Variants in SCN3B observed in about 807,000 individuals in gnomAD.
SCN3B encodes the protein sodium channel regulatory subunit beta-3.
A neutral mutation model predicts 25.4 loss-of-function variants in SCN3B; 11 were observed. The ratio of observed to expected loss-of-function variants is 0.43; its 90% CI spans 0.27 to 0.72. SCN3B has a LOEUF of 0.72. SCN3B is among the 30% of genes least tolerant of loss of function. SCN3B has a pLI of 0.18. For synonymous variants in SCN3B, 109 were observed against 110.7 expected (o/e 0.99, Z 0.09); for missense variants, 218 against 278.3 (o/e 0.78, Z 1.54).
chr11:123,644,566 G>A (rs2137244572), intron 3 of SCN3B, among the ~76,000 whole-genome samples: 1 of 152,240 alleles, frequency 6.6e-6, no homozygotes, highest in East Asian at 1.9e-4. Context: ...GAGGTCAGGA[G>A]TTTGAGACCA....
intron 5 of SCN3B, among the ~76,000 whole-genome samples, chr11:123,636,174 T>C (rs1469297071): frequency 2.0e-5 from 3 of 152,246 alleles, no homozygotes; most frequent in Non-Finnish European, 4.4e-5. Flanking sequence ...CTTCTTGCTA[T>C]TGTAACTTTA....
chr11:123,653,334 T>G (rs1204406697), intron 2 of SCN3B, among the ~76,000 whole-genome samples: 1 of 151,826 alleles, frequency 6.6e-6, no homozygotes, highest in Non-Finnish European at 1.5e-5. Flanking sequence ...GGTTTTTTTT[T>G]TTTTTTAATA....
intron 2 of SCN3B, among the ~76,000 whole-genome samples, chr11:123,649,348 C>A (rs534343335): frequency 1.3e-5 from 2 of 152,240 alleles, no homozygotes; most frequent in East Asian, 3.9e-4. Context: ...TCTTGGTTGC[C>A]CCTAAGGCAA....
chr11:123,635,282 T>C (rs1030510219), intron 5 of SCN3B, among the ~76,000 whole-genome samples: 1 of 152,236 alleles, frequency 6.6e-6, no homozygotes, highest in African/African-American at 2.4e-5. Flanking sequence ...CTCTCTCACA[T>C]ATCAGGTTTT....
intron 3 of SCN3B, 82 bp downstream of exon 3, chr11:123,645,505 G>T: frequency 7.2e-7 from 1 of 1,390,850 alleles, no homozygotes; most frequent in Non-Finnish European, 1.0e-6. Flanking sequence ...TTGCTAGCTT[G>T]GCATCCCCCG....
intron 2 of SCN3B, among the ~76,000 whole-genome samples, chr11:123,652,926 C>A (rs957614581): frequency 6.6e-6 from 1 of 152,186 alleles, no homozygotes; most frequent in Non-Finnish European, 1.5e-5. Flanking sequence ...TCACATAGAT[C>A]AATCCCCTTT....
chr11:123,638,667 T>C, intron 4 of SCN3B: 1 of 365,938 alleles, frequency 2.7e-6, no homozygotes, highest in Admixed American at 4.0e-5. Flanking sequence ...TTTCTTAATT[T>C]GTAGGTTGAG....
intron 2 of SCN3B, among the ~76,000 whole-genome samples, chr11:123,646,102 C>T (rs1212161403): frequency 2.0e-5 from 3 of 152,110 alleles, no homozygotes; most frequent in East Asian, 3.9e-4. Flanking sequence ...ACCATCCATC[C>T]CCCTTCATTC....
intron 3 of SCN3B, among the ~76,000 whole-genome samples, chr11:123,643,703 T>G (rs1955815813): frequency 6.6e-6 from 1 of 152,270 alleles, no homozygotes; most frequent in Admixed American, 6.5e-5. Context: ...CTTCTTCTGA[T>G]CCACCTTTTC....
Position 123,649,675 on chromosome 11 carries a change from TC to T in SCN3B, c.56-3926del, listed in dbSNP as rs1480420501. Among the ~76,000 whole-genome samples the T allele has an allele frequency of 2.3e-3, 334 of 144,254 alleles. 4 individuals carry two copies. Among genetic ancestry groups the T allele is most frequent in the South Asian group, 0.016 (74 of 4,642 alleles). 94.6% of individuals were successfully genotyped at this position (144,254 alleles called of 152,430 possible). A position where few individuals can be genotyped will look rare whatever the true frequency, so the allele number is the denominator to read the frequency against. ...CTTTCTCTTTCTTTCTTTCTTTTTTTCCTCTCTCTCTCTCTGTCTCTGTCTC... is the reference window on the plus strand; with the variant it reads ...CTTTCTCTTTCTTTCTTTCTTTTTTTCTCTCTCTCTCTCTGTCTCTGTCTC... On this transcript the variant is annotated intron_variant, in intron 2 of 6. Coordinates refer to ENST00000299333, the MANE Select transcript of SCN3B (RefSeq NM_001040151.2).
At chr11:123,634,269 G>A in intron 5 of SCN3B, 63 bp from the exon 6 acceptor site, 6 of 1,311,212 alleles carry the variant, frequency 4.6e-6, no homozygotes, top group Non-Finnish European at 6.6e-6. Context: ...CACAAGATGG[G>A]GAAGGAGCAG....
At chr11:123,638,641 C>T (rs1955755226) in intron 4 of SCN3B, 1 of 392,676 alleles carries the variant, frequency 2.5e-6, no homozygotes, top group South Asian at 2.3e-5. Flanking sequence ...AACCATTTCC[C>T]TTACTTGAGA....
chr11:123,634,335 C>G (rs1955702649), intron 5 of SCN3B, 129 bp from the exon 6 acceptor site: 4 of 769,826 alleles, frequency 5.2e-6, no homozygotes, highest in South Asian at 2.9e-5. Flanking sequence ...CTGTGTTTCT[C>G]AAGAGAAAAA....
At chr11:123,649,670 T>C (rs1955899390) in intron 2 of SCN3B, among the ~76,000 whole-genome samples, 1 of 146,674 alleles carries the variant, frequency 6.8e-6, no homozygotes. Flanking sequence ...CTTTCTTTCT[T>C]TTTTTCCTCT....
intron 5 of SCN3B, among the ~76,000 whole-genome samples, chr11:123,637,563 C>G (rs1955743118): frequency 6.6e-6 from 1 of 152,134 alleles, no homozygotes; most frequent in South Asian, 2.1e-4. Flanking sequence ...GAGTCTCGCT[C>G]TGTCACCCAA....
intron 2 of SCN3B, among the ~76,000 whole-genome samples, chr11:123,653,228 C>T (rs1445824655): frequency 6.6e-6 from 1 of 151,712 alleles, no homozygotes; most frequent in Non-Finnish European, 1.5e-5. Flanking sequence ...CAGTAAATGG[C>T]TGAAGGCTGT....
chr11:123,643,335 T>C (rs188807487), intron 3 of SCN3B, among the ~76,000 whole-genome samples: 4 of 152,338 alleles, frequency 2.6e-5, no homozygotes, highest in Admixed American at 2.6e-4. Context: ...AACTAAAATA[T>C]CATCTTTTAA....
intron 4 of SCN3B, chr11:123,640,007 T>C (rs953609993): frequency 2.0e-5 from 3 of 152,208 alleles, no homozygotes; most frequent in African/African-American, 7.2e-5. Context: ...GATCTGCAGT[T>C]ATCCATTGGA....
chr11:123,642,741 G>T lies in SCN3B; in HGVS notation c.220-70C>A. ...GGCAGTGGGGGGAAGCCGAGTTAGGGACAGGGCAGAGAAAAGGAGCAGAAT... is the reference window on the plus strand; with the variant it reads ...GGCAGTGGGGGGAAGCCGAGTTAGGTACAGGGCAGAGAAAAGGAGCAGAAT... On this transcript the variant is annotated intron_variant, in intron 3 of 6. Coordinates refer to ENST00000299333, the MANE Select transcript of SCN3B (RefSeq NM_001040151.2). This position sits in a 1 kb window ranked among gnomAD's most constrained non-coding sequence, Gnocchi z 4.3. 1.7e-6 allele frequency: 2 copies of T among 1,181,742 alleles called. No individual in the cohort carries two copies. Among genetic ancestry groups the T allele is most frequent in the South Asian group, 1.2e-5 (1 of 80,450 alleles). 73.2% of individuals were successfully genotyped at this position (1,181,742 alleles called of 1,614,324 possible).
Sources: gnomAD v4.1 joint callset for allele counts (sites outside exome capture counted in the v4.1 genomes callset) on GRCh38, gnomAD v4.1.1 for gene constraint, Gnocchi (gnomAD v3.1) non-coding constraint, MANE v1.5 for transcripts, NCBI Gene and HGNC (gene_info 2026-07-23, HGNC 2026-07-21) for gene names.